The following CCDC18 variants were observed in gnomAD, a reference collection of about 807,000 sequenced individuals.
The protein encoded by CCDC18 is coiled-coil domain containing 18.
CCDC18 carries 157 observed loss-of-function variants against 196.0 expected under a neutral mutation model. That is an observed-to-expected ratio of 0.80 (90% CI 0.70 to 0.91). CCDC18 has a LOEUF of 0.91. CCDC18 is among the 40% of genes least tolerant of loss of function. The pLI is 0.00. For synonymous variants in CCDC18, 482 were observed against 529.2 expected (o/e 0.91, Z 1.22); for missense variants, 1,465 against 1,611.6 (o/e 0.91, Z 1.56).
Position 93,184,050 on chromosome 1 carries a change from G to A in CCDC18, c.207G>A (p.Gln69=), listed in dbSNP as rs1469615748. Residue 69 remains glutamine (Q), a synonymous_variant, in exon 3 of 29, where the codon CAG becomes CAA. Coordinates refer to ENST00000690025, the MANE Select transcript of CCDC18 (RefSeq NM_001378204.1). ...SRSEKLILDV[Q]PSHPGLLNYS... The stretch of plus-strand genomic sequence containing the variant: ...CTGAAAAGCTAATTTTGGATGTTCA[G>A]CCTAGCCACCCTGGACTTTTGAATT... The A allele has an allele frequency of 6.3e-7, 1 of 1,594,146 alleles. No individual in the cohort carries two copies. Among genetic ancestry groups the A allele is most frequent in the Admixed American group, 1.7e-5 (1 of 59,298 alleles).
chr1:93,240,044 A>G, intron 21 of CCDC18, 148 bp downstream of exon 21: 1 of 619,410 alleles, frequency 1.6e-6, no homozygotes, highest in Non-Finnish European at 2.8e-6. Flanking sequence ...TGCCTTATCT[A>G]ACTAATTCAG....
intron 21 of CCDC18, among the ~76,000 whole-genome samples, chr1:93,245,115 C>G (rs565739117): frequency 6.6e-6 from 1 of 152,164 alleles, no homozygotes; most frequent in East Asian, 1.9e-4. Context: ...CTATTAAATC[C>G]ACAGCACTTA....
At chr1:93,260,554 T>A (rs1663639364) in intron 26 of CCDC18, among the ~76,000 whole-genome samples, 1 of 152,162 alleles carries the variant, frequency 6.6e-6, no homozygotes, top group Admixed American at 6.5e-5. Context: ...TGAGAGGATA[T>A]GGTATTAAAG....
intron 18 of CCDC18, among the ~76,000 whole-genome samples, chr1:93,233,747 T>C (rs1386890227): frequency 6.6e-6 from 1 of 152,114 alleles, no homozygotes; most frequent in Non-Finnish European, 1.5e-5. Flanking sequence ...TACAGGCATG[T>C]GCCACCACAC....
intron 7 of CCDC18, among the ~76,000 whole-genome samples, chr1:93,204,625 TA>T (rs1654407450): frequency 6.6e-6 from 1 of 152,120 alleles, no homozygotes; most frequent in Admixed American, 6.6e-5. Flanking sequence ...CCAACAATAT[TA>T]AATACTGAGA....
In CCDC18 at chr1:93,239,910, TAAG is replaced by T. The variant is rs772112020; in HGVS notation, c.2981+17_2981+19del. ...AGCTGAACTTAGGTGAGTTAAATAATAAGAAATTATATCACAGTTATAAGTCCT... is the reference window on the plus strand; with the variant it reads ...AGCTGAACTTAGGTGAGTTAAATAATAAATTATATCACAGTTATAAGTCCT... On this transcript the variant is annotated intron_variant, in intron 21 of 28. Coordinates refer to ENST00000690025, the MANE Select transcript of CCDC18 (RefSeq NM_001378204.1). 1.4e-6 allele frequency: 2 copies of T among 1,439,174 alleles called. No homozygotes were observed. Among genetic ancestry groups the T allele is most frequent in the African/African-American group, 1.4e-5 (1 of 70,752 alleles). The allele number at this position is 1,439,174 out of a possible 1,614,324, so 89.2% of individuals were successfully genotyped here. A position where few individuals can be genotyped will look rare whatever the true frequency, so the allele number is the denominator to read the frequency against.
At chr1:93,240,928 G>A (rs1281054239) in intron 21 of CCDC18, among the ~76,000 whole-genome samples, 1 of 151,898 alleles carries the variant, frequency 6.6e-6, no homozygotes, top group African/African-American at 2.4e-5. Flanking sequence ...TTTTCATCCA[G>A]TGTATTAGCA....
intron 7 of CCDC18, among the ~76,000 whole-genome samples, chr1:93,202,742 G>A (rs1654041989): frequency 6.6e-6 from 1 of 152,216 alleles, no homozygotes; most frequent in South Asian, 2.1e-4. Context: ...TACTGTGCTA[G>A]TCTCTGGGAG....
intron 4 of CCDC18, among the ~76,000 whole-genome samples, chr1:93,190,237 TC>T (rs1186411763): frequency 1.3e-5 from 2 of 152,214 alleles, no homozygotes; most frequent in Non-Finnish European, 2.9e-5. Flanking sequence ...CGCCTGTAAT[TC>T]CAGAACTTTG....
At chr1:93,224,390 T>G (rs771337002) in intron 16 of CCDC18, among the ~76,000 whole-genome samples, 76 of 152,226 alleles carry the variant, frequency 5.0e-4, no homozygotes, top group Non-Finnish European at 1.0e-3. Context: ...AAAGTCAACA[T>G]TAAGTTAGTA....
chr1:93,215,975 C>T (rs756883401), intron 12 of CCDC18, among the ~76,000 whole-genome samples: 1 of 152,104 alleles, frequency 6.6e-6, no homozygotes, highest in Non-Finnish European at 1.5e-5. Flanking sequence ...ATCTTATACT[C>T]GATCTTCAAA....
At chr1:93,225,588 C>T (rs1455210573) in intron 16 of CCDC18, among the ~76,000 whole-genome samples, 4 of 152,034 alleles carry the variant, frequency 2.6e-5, no homozygotes. Flanking sequence ...ACCAGTCTGG[C>T]CAACATGGCA....
rs755382330 is a variant in CCDC18, at chr1:93,190,081, AT to A, written c.463-1916del. 3.9e-5 allele frequency among the ~76,000 whole-genome samples: 6 copies of A among 151,952 alleles called. No individual in the cohort carries two copies. The South Asian group carries it at 6.2e-4, about 16-fold the overall frequency. On this transcript the variant is annotated intron_variant, in intron 4 of 28. Transcript: ENST00000690025. ...TTTTTTTTTGTTCCGATTGTTTTGTATTTCATAACATACTAATGTAGTATTC... is the reference window on the plus strand; with the variant it reads ...TTTTTTTTTGTTCCGATTGTTTTGTATTCATAACATACTAATGTAGTATTC...
intron 25 of CCDC18, among the ~76,000 whole-genome samples, chr1:93,257,231 CAAAAAAAAAAAAAAAA>C (rs71586787): frequency 2.1e-5 from 1 of 46,520 alleles, no homozygotes; most frequent in South Asian, 1.1e-3. Context: ...GACTCCATCT[CAAAAAAAAAAAAAAAA>C]AAAAAAAAAA....
chr1:93,221,163 G>C (rs1231936272), intron 14 of CCDC18, among the ~76,000 whole-genome samples: 1 of 152,132 alleles, frequency 6.6e-6, no homozygotes, highest in Non-Finnish European at 1.5e-5. Context: ...GGATTGCTGG[G>C]TCAAATTGTG....
chr1:93,220,209 G>C (rs1162572781), intron 14 of CCDC18, among the ~76,000 whole-genome samples: 3 of 152,058 alleles, frequency 2.0e-5, no homozygotes, highest in Non-Finnish European at 1.5e-5. Flanking sequence ...CAAAAACTAT[G>C]GACATAAGAA....
chr1:93,219,640 C>A (rs1176109723), intron 14 of CCDC18, among the ~76,000 whole-genome samples: 1 of 152,204 alleles, frequency 6.6e-6, no homozygotes, highest in African/African-American at 2.4e-5. Flanking sequence ...CTGCTCAGAA[C>A]TGCAATTCAA....
At chr1:93,230,866 G>C (rs1016278612) in intron 17 of CCDC18, among the ~76,000 whole-genome samples, 8 of 152,184 alleles carry the variant, frequency 5.3e-5, no homozygotes, top group Non-Finnish European at 8.8e-5. Flanking sequence ...GCAGAAGTGT[G>C]ATCTGCAGGT....
chr1:93,246,974 C>T lies in CCDC18; in HGVS notation c.3198+20C>T, dbSNP rs747584306. The T allele has an allele frequency of 9.1e-6, 9 of 994,294 alleles. No homozygotes were observed. The highest frequency in any genetic ancestry group is 5.2e-5 in the East Asian group (2 of 38,178). The allele number at this position is 994,294 out of a possible 1,614,324, so 61.6% of individuals were successfully genotyped here. Reference sequence around the variant, plus strand: ...AAACAGGTAAATTATTTTAAAATTACGTATTTTAAATTATTTTTTAAAAAA... The same window carrying T: ...AAACAGGTAAATTATTTTAAAATTATGTATTTTAAATTATTTTTTAAAAAA... On this transcript the variant is annotated intron_variant, in intron 23 of 28. Coordinates refer to ENST00000690025, the MANE Select transcript of CCDC18 (RefSeq NM_001378204.1).
Sources: gnomAD v4.1 joint callset for allele counts (sites outside exome capture counted in the v4.1 genomes callset) on GRCh38, gnomAD v4.1.1 for gene constraint, MANE v1.5 for transcripts, NCBI Gene and HGNC (gene_info 2026-07-23, HGNC 2026-07-21) for gene names.